The following ITGA7 variants were observed in gnomAD, a reference collection of about 807,000 sequenced individuals.
ITGA7 encodes integrin alpha-7.
Under a neutral mutation model 131.6 loss-of-function variants are expected in ITGA7, and 84 were observed. That is an observed-to-expected ratio of 0.64 (90% CI 0.54 to 0.77). ITGA7 has a LOEUF of 0.77. Among genes scored for constraint, ITGA7 ranks in the 30% least tolerant of loss-of-function variants. The pLI, the probability that ITGA7 is intolerant of heterozygous loss-of-function variation, is 0.00. For missense variants in ITGA7, 1,399 were observed against 1,482.9 expected (o/e 0.94, Z 0.93); for synonymous variants, 548 against 600.7 (o/e 0.91, Z 1.28).
intron 8 of ITGA7, 31 bp downstream of exon 8, chr12:55,697,907 C>G (rs1389134122): frequency 6.2e-7 from 1 of 1,614,076 alleles, no homozygotes; most frequent in South Asian, 1.1e-5. Context: ...TCCACCCACA[C>G]CCATTCCCTC....
chr12:55,691,867 T>C (rs1871488049), intron 21 of ITGA7, among the ~76,000 whole-genome samples: 1 of 152,186 alleles, frequency 6.6e-6, no homozygotes, highest in Non-Finnish European at 1.5e-5. Flanking sequence ...TCCTTGGCTC[T>C]ACCTGGGGTT....
intron 4 of ITGA7, 37 bp from the exon 5 acceptor site, chr12:55,700,026 T>C (rs1873615083): frequency 6.2e-7 from 1 of 1,611,430 alleles, no homozygotes; most frequent in Non-Finnish European, 8.5e-7. Flanking sequence ...GGAGGGGACA[T>C]CCAGAGTAGG....
chr12:55,699,989 C>T lies in ITGA7; in HGVS notation c.671G>A (p.Gly224Glu). 6.2e-7 allele frequency: 1 copy of T among 1,613,946 alleles called. No individual in the cohort carries two copies. The highest frequency in any genetic ancestry group is 8.5e-7 in the Non-Finnish European group (1 of 1,180,006). The change falls in exon 5 of 25, where the codon GGG becomes GAG. Residue 224 changes from glycine to glutamate, a missense_variant and splice_region_variant. Coordinates refer to ENST00000257879, the MANE Select transcript of ITGA7 (RefSeq NM_002206.3). ...ATCAATGTTGGTCACAAAAAGCAAC[C>T]CTGTGGGGGGTGGGGTGAGACACCA... ...FGAPGTYNWKGLLFVTNIDSS... is the reference protein window; with the variant it reads ...FGAPGTYNWKELLFVTNIDSS...
In ITGA7 at chr12:55,707,643, C is replaced by T. The variant is rs1875514610; in HGVS notation, c.40G>A (p.Gly14Arg). 6.2e-7 allele frequency: 1 copy of T among 1,600,300 alleles called. No homozygotes were observed. The highest frequency in any genetic ancestry group is 8.5e-7 in the Non-Finnish European group (1 of 1,173,346). The change falls in exon 1 of 25, where the codon GGG becomes AGG. Residue 14 changes from glycine (G) to arginine (R), a missense_variant. Coordinates refer to ENST00000257879, the MANE Select transcript of ITGA7 (RefSeq NM_002206.3). ...AGGGAGCCAAAAAGGTAGCAAATCC[C>T]GGAGGCCCCCCAAGGGTCGCGGCTC... Reference protein sequence around the residue: ...ARSRDPWGASGICYLFGSLLV... With the variant: ...ARSRDPWGASRICYLFGSLLV...
chr12:55,700,281 G>T (rs1168111831), intron 4 of ITGA7: 1 of 1,607,780 alleles, frequency 6.2e-7, no homozygotes, highest in Admixed American at 1.7e-5. Context: ...TGTTGGCAGG[G>T]ACCGGGATGA....
intron 4 of ITGA7, 29 bp downstream of exon 4, chr12:55,700,870 C>T: frequency 6.2e-7 from 1 of 1,614,164 alleles, no homozygotes; most frequent in Admixed American, 1.7e-5. Context: ...GTTTTGGTCC[C>T]CTTCTCCCCT....
At chr12:55,689,261 A>G (rs1449397214) in intron 21 of ITGA7, among the ~76,000 whole-genome samples, 2 of 152,216 alleles carry the variant, frequency 1.3e-5, no homozygotes, top group African/African-American at 4.8e-5. Context: ...TCAGGCACTT[A>G]TCTCACTTAA....
chr12:55,691,540 C>A (rs895719463), intron 21 of ITGA7, among the ~76,000 whole-genome samples: 1 of 152,046 alleles, frequency 6.6e-6, no homozygotes, highest in Non-Finnish European at 1.5e-5. Context: ...CTCAATATAG[C>A]CATTCCACAG....
chr12:55,704,930 T>C (rs747950863), intron 1 of ITGA7, among the ~76,000 whole-genome samples: 3 of 152,136 alleles, frequency 2.0e-5, no homozygotes, highest in Non-Finnish European at 4.4e-5. Context: ...CCTCCAAACA[T>C]AGAAGTGGCC....
chr12:55,700,444 T>C, intron 4 of ITGA7: 1 of 1,564,568 alleles, frequency 6.4e-7, no homozygotes, highest in Non-Finnish European at 8.6e-7. Context: ...GGAACACCCC[T>C]CAGGCCGGAC....
At chr12:55,712,537 G>A, upstream of ITGA7, 1 of 535,360 alleles carries the variant, frequency 1.9e-6, no homozygotes. Flanking sequence ...AGAGGGAAAT[G>A]AGTGAAGAAA....
intron 24 of ITGA7, among the ~76,000 whole-genome samples, chr12:55,687,750 A>G (rs1487010292): frequency 6.6e-6 from 1 of 152,118 alleles, no homozygotes; most frequent in East Asian, 1.9e-4. Context: ...TAGGCCTCCC[A>G]AAGTGCTGAG....
chr12:55,716,102 G>A (rs369905868), upstream of ITGA7: 4 of 1,598,714 alleles, frequency 2.5e-6, no homozygotes, highest in Non-Finnish European at 3.4e-6. Flanking sequence ...GCCGGAGGGG[G>A]CCCGGCGTAC....
At chr12:55,715,399 C>A (rs1324610959), upstream of ITGA7, among the ~76,000 whole-genome samples, 1 of 152,090 alleles carries the variant, frequency 6.6e-6, no homozygotes, top group Non-Finnish European at 1.5e-5. Context: ...TAATTGTTCT[C>A]GCTGGAGTTA....
upstream of ITGA7, among the ~76,000 whole-genome samples, chr12:55,713,176 G>T (rs969441486): frequency 1.1e-4 from 16 of 152,198 alleles, no homozygotes; most frequent in Non-Finnish European, 1.6e-4. Context: ...CCTCTATTTT[G>T]CTTGCTCACT....
chr12:55,706,918 T>A (rs1213170564), intron 1 of ITGA7, among the ~76,000 whole-genome samples: 1 of 152,204 alleles, frequency 6.6e-6, no homozygotes, highest in Admixed American at 6.5e-5. Flanking sequence ...GACCTGCAGA[T>A]CCTCTCCCAA....
intron 8 of ITGA7, 30 bp downstream of exon 8, chr12:55,697,908 C>G (rs370839387): frequency 6.2e-7 from 1 of 1,614,114 alleles, no homozygotes; most frequent in South Asian, 1.1e-5. Context: ...CCACCCACAC[C>G]CATTCCCTCA....
At chr12:55,700,057 GA>G (rs1873627399) in intron 4 of ITGA7, 68 bp from the exon 5 acceptor site, 1 of 1,584,490 alleles carries the variant, frequency 6.3e-7, no homozygotes, top group African/African-American at 1.3e-5. Context: ...TAGGGAGACA[GA>G]GCCACAGAAA....
chr12:55,700,674 T>C (rs1268567346), intron 4 of ITGA7: 9 of 671,792 alleles, frequency 1.3e-5, no homozygotes, highest in African/African-American at 1.3e-4. Context: ...CAGCGTGCAC[T>C]TGGGGCCCAT....
Sources: gnomAD v4.1 joint callset for allele counts (sites outside exome capture counted in the v4.1 genomes callset) on GRCh38, gnomAD v4.1.1 for gene constraint, MANE v1.5 for transcripts, NCBI Gene and HGNC (gene_info 2026-07-23, HGNC 2026-07-21) for gene names.